Variants in SLC30A9 observed in about 807,000 individuals in gnomAD.
SLC30A9 encodes proton-coupled zinc antiporter SLC30A9, mitochondrial.
SLC30A9 carries 58 observed loss-of-function variants against 87.5 expected under a neutral mutation model. The ratio of observed to expected loss-of-function variants is 0.66; its 90% confidence interval spans 0.54 to 0.82. SLC30A9 has a LOEUF of 0.82. Ranked by LOEUF, SLC30A9 falls within the 40% of genes least tolerant of loss-of-function variation. SLC30A9 has a pLI of 0.00. For synonymous variants in SLC30A9, 234 were observed against 233.0 expected, an observed-to-expected ratio of 1.00 and a Z score of -0.04; for missense variants, 557 against 679.1, an observed-to-expected ratio of 0.82 and a Z score of 2.00.
rs566029064 is a variant in SLC30A9, at chr4:42,023,912, A to G, written c.610+528A>G. On this transcript the variant is annotated intron_variant, in intron 6 of 17. Transcript: ENST00000264451. Reference sequence around the variant, plus strand: ...AGGAGGAACTGTCAAACACTTATAAAACCATCAGATCTCGAGAACTCAGTA... The same window carrying G: ...AGGAGGAACTGTCAAACACTTATAAGACCATCAGATCTCGAGAACTCAGTA... 3.9e-5 allele frequency among the ~76,000 whole-genome samples: 6 copies of G among 152,198 alleles called. No individual in the cohort carries two copies. In the South Asian group the frequency reaches 1.2e-3, roughly 32 times the overall value.
chr4:42,020,703 C>T, intron 4 of SLC30A9, 188 bp downstream of exon 4: 1 of 452,950 alleles, frequency 2.2e-6, no homozygotes, highest in Admixed American at 4.2e-5. Context: ...GAATCCTGCC[C>T]CAGCATTAGC....
chr4:42,005,375 G>T (rs1715158657), intron 2 of SLC30A9, among the ~76,000 whole-genome samples: 1 of 152,106 alleles, frequency 6.6e-6, no homozygotes, highest in South Asian at 2.1e-4. Flanking sequence ...TTGTGTTAGG[G>T]TTCACTTGTC....
intron 3 of SLC30A9, among the ~76,000 whole-genome samples, chr4:42,019,969 A>ATT (rs910238183): frequency 1.4e-5 from 2 of 146,898 alleles, no homozygotes; most frequent in Non-Finnish European, 3.0e-5. Flanking sequence ...AATTTTTTGT[A>ATT]TTTTTTTTTT....
intron 2 of SLC30A9, among the ~76,000 whole-genome samples, chr4:42,010,246 A>G (rs571067948): frequency 7.2e-5 from 11 of 152,202 alleles, no homozygotes; most frequent in Non-Finnish European, 1.5e-4. Context: ...GGCCAAGGTG[A>G]AGGATCCCTT....
rs1016280617 is a variant in SLC30A9, at chr4:41,992,769, C to G, written c.109+2009C>G. On this transcript the variant is annotated intron_variant, in intron 1 of 17. Transcript: ENST00000264451. ...ATTTAGTTTCAGTAATGAAGCATTT[C>G]TTAAAAGGGCAACCATTATTATGGC... Among the ~76,000 whole-genome samples the G allele has an allele frequency of 6.6e-5, 10 of 152,106 alleles. No homozygotes were observed. The East Asian group carries it at 1.9e-3, about 29-fold the overall frequency.
At chr4:42,082,271 A>G (rs964816245) in intron 17 of SLC30A9, among the ~76,000 whole-genome samples, 1 of 152,134 alleles carries the variant, frequency 6.6e-6, no homozygotes, top group Non-Finnish European at 1.5e-5. Flanking sequence ...AGCATAATTA[A>G]TCTTAAGTCA....
intron 1 of SLC30A9, among the ~76,000 whole-genome samples, chr4:41,991,028 C>G (rs1714414151): frequency 6.6e-6 from 1 of 152,244 alleles, no homozygotes; most frequent in Non-Finnish European, 1.5e-5. Context: ...AAGCCTACCG[C>G]TTTGTACCAA....
chr4:42,035,956 G>A (rs920485967), intron 7 of SLC30A9, among the ~76,000 whole-genome samples: 1 of 151,972 alleles, frequency 6.6e-6, no homozygotes, highest in African/African-American at 2.4e-5. Flanking sequence ...CTCTCTTTCT[G>A]CTCCTAACTC....
intron 1 of SLC30A9, among the ~76,000 whole-genome samples, chr4:41,991,630 T>C (rs1343963726): frequency 6.6e-6 from 1 of 152,132 alleles, no homozygotes; most frequent in Non-Finnish European, 1.5e-5. Context: ...GAAACATTCA[T>C]GTTCGAAGCC....
chr4:42,018,061 AT>A, intron 2 of SLC30A9, 49 bp from the exon 3 acceptor site: 1 of 1,002,388 alleles, frequency 1.0e-6, no homozygotes, highest in Non-Finnish European at 1.6e-6. Context: ...AAGTTTATAG[AT>A]TTATGAAAGC....
chr4:42,004,652 T>G (rs1231187753), intron 2 of SLC30A9, among the ~76,000 whole-genome samples: 2 of 91,246 alleles, frequency 2.2e-5, no homozygotes, highest in Non-Finnish European at 4.7e-5. Context: ...TTTTCCTTTT[T>G]TTTTTCTTTT....
chr4:42,044,904 AACTC>A (rs1259895645), intron 8 of SLC30A9, among the ~76,000 whole-genome samples: 1 of 152,202 alleles, frequency 6.6e-6, no homozygotes, highest in African/African-American at 2.4e-5. Flanking sequence ...AAGATTAAGA[AACTC>A]ACTCAAAACC....
intron 17 of SLC30A9, among the ~76,000 whole-genome samples, chr4:42,085,711 G>A (rs919758213): frequency 6.6e-6 from 1 of 152,024 alleles, no homozygotes; most frequent in African/African-American, 2.4e-5. Flanking sequence ...TGTTGCTAAA[G>A]TATATAAAAT....
chr4:42,075,869 G>C, intron 16 of SLC30A9, 83 bp downstream of exon 16: 1 of 1,343,722 alleles, frequency 7.4e-7, no homozygotes, highest in Non-Finnish European at 1.0e-6. Flanking sequence ...TTTTTTTATA[G>C]ATCTTAAAGG....
chr4:41,998,931 T>A (rs779421808), intron 1 of SLC30A9, among the ~76,000 whole-genome samples: 3 of 152,210 alleles, frequency 2.0e-5, no homozygotes, highest in African/African-American at 7.2e-5. Context: ...ATGTGTACTT[T>A]TAAAGTTGCT....
At chr4:42,063,253 T>C in intron 11 of SLC30A9, 132 bp downstream of exon 11, 1 of 603,738 alleles carries the variant, frequency 1.7e-6, no homozygotes, top group Non-Finnish European at 2.7e-6. Flanking sequence ...TAGGGTTATA[T>C]ATCTATAGTT....
intron 9 of SLC30A9, among the ~76,000 whole-genome samples, chr4:42,058,678 A>G (rs1214339908): frequency 6.6e-6 from 1 of 152,244 alleles, no homozygotes; most frequent in Non-Finnish European, 1.5e-5. Context: ...GGTGAAAGGC[A>G]CGTCTCACAT....
chr4:42,016,379 A>G (rs914815009), intron 2 of SLC30A9, among the ~76,000 whole-genome samples: 2 of 152,156 alleles, frequency 1.3e-5, no homozygotes, highest in African/African-American at 4.8e-5. Context: ...GGAATTTACT[A>G]CTCAAGCTAA....
chr4:42,043,183 C>G (rs945595109), intron 8 of SLC30A9, among the ~76,000 whole-genome samples: 5 of 152,152 alleles, frequency 3.3e-5, no homozygotes, highest in African/African-American at 1.2e-4. Flanking sequence ...TCCAAAGGAT[C>G]ACAACTCCTC....
Sources: allele counts gnomAD v4.1 joint callset (sites outside exome capture counted in the v4.1 genomes callset), GRCh38; gene constraint gnomAD v4.1.1; transcripts MANE v1.5; gene names NCBI Gene and HGNC (gene_info 2026-07-23, HGNC 2026-07-21).